Variants in MGMT observed in about 807,000 individuals in gnomAD.
MGMT encodes O-6-methylguanine-DNA methyltransferase.
MGMT carries 14 observed loss-of-function variants against 15.9 expected under a neutral mutation model. The observed-to-expected ratio is 0.88, with a 90% CI of 0.58 to 1.37. MGMT has a LOEUF of 1.37. MGMT is among the 40% of genes most tolerant of loss of function. The pLI, the probability that MGMT is intolerant of heterozygous loss-of-function variation, is 0.00. For missense variants in MGMT, 282 were observed against 268.1 expected, an observed-to-expected ratio of 1.05 and a Z score of -0.36; for synonymous variants, 130 against 118.2, an observed-to-expected ratio of 1.10 and a Z score of -0.65.
At chr10:129,570,978 G>A (rs1469236281) in intron 2 of MGMT, among the ~76,000 whole-genome samples, 1 of 152,186 alleles carries the variant, frequency 6.6e-6, no homozygotes, top group East Asian at 1.9e-4. Flanking sequence ...ATATGTGGCT[G>A]AGCATAATTA....
chr10:129,627,587 A>G (rs1847165205), intron 2 of MGMT, among the ~76,000 whole-genome samples: 1 of 152,102 alleles, frequency 6.6e-6, no homozygotes, highest in African/African-American at 2.4e-5. Context: ...AGACCTGTGC[A>G]CTGAGGGTCC....
At chr10:129,471,773 G>A (rs1845234069) in intron 1 of MGMT, among the ~76,000 whole-genome samples, 1 of 152,082 alleles carries the variant, frequency 6.6e-6, no homozygotes, top group African/African-American at 2.4e-5. Context: ...TCTAGGGAAG[G>A]CCTTAGGATC....
At chr10:129,549,805 A>C (rs1371735960) in intron 2 of MGMT, among the ~76,000 whole-genome samples, 2 of 152,236 alleles carry the variant, frequency 1.3e-5, no homozygotes, top group African/African-American at 4.8e-5. Context: ...TGCTGCACTC[A>C]GCCCAAAGCG....
At chr10:129,519,093 ATAAAT>A (rs1466335463) in intron 1 of MGMT, among the ~76,000 whole-genome samples, 1 of 152,196 alleles carries the variant, frequency 6.6e-6, no homozygotes, top group Non-Finnish European at 1.5e-5. Flanking sequence ...CTGGACTACT[ATAAAT>A]TATGTTTTAT....
intron 3 of MGMT, among the ~76,000 whole-genome samples, chr10:129,723,791 A>C (rs2183878): frequency 6.6e-6 from 1 of 152,070 alleles, no homozygotes; most frequent in Non-Finnish European, 1.5e-5. Context: ...AGTGCTCGGC[A>C]TCATCAGTCA....
chr10:129,612,872 G>A (rs946017745), intron 2 of MGMT, among the ~76,000 whole-genome samples: 15 of 152,264 alleles, frequency 9.9e-5, no homozygotes, highest in Non-Finnish European at 1.8e-4. Flanking sequence ...CGCCCAATGT[G>A]GACTCTGCCC....
chr10:129,618,769 T>TATAAATATA (rs751344882), intron 2 of MGMT, among the ~76,000 whole-genome samples: 5 of 150,298 alleles, frequency 3.3e-5, no homozygotes, highest in South Asian at 2.1e-4. Context: ...ATGCTATATT[T>TATAAATATA]TTAGTTTCAA....
chr10:129,641,846 T>C (rs1847331144), intron 2 of MGMT, among the ~76,000 whole-genome samples: 3 of 152,232 alleles, frequency 2.0e-5, no homozygotes, highest in Non-Finnish European at 4.4e-5. Flanking sequence ...AGAAACATCC[T>C]AGAATTTTAA....
At chr10:129,637,590 C>T (rs1463529747) in intron 2 of MGMT, among the ~76,000 whole-genome samples, 9 of 152,148 alleles carry the variant, frequency 5.9e-5, no homozygotes, top group Non-Finnish European at 8.8e-5. Flanking sequence ...CTTGTGTTCC[C>T]CAAATTCACA....
At chr10:129,612,852 C>G (rs1846977690) in intron 2 of MGMT, among the ~76,000 whole-genome samples, 1 of 152,212 alleles carries the variant, frequency 6.6e-6, no homozygotes, top group South Asian at 2.1e-4. Flanking sequence ...TCTGCCTCTT[C>G]CGTCCCCCTC....
chr10:129,490,237 A>G (rs1205669252), intron 1 of MGMT, among the ~76,000 whole-genome samples: 4 of 152,170 alleles, frequency 2.6e-5, no homozygotes, highest in Non-Finnish European at 4.4e-5. Context: ...AAAAATTATG[A>G]ACAGGCTTCA....
chr10:129,695,505 G>T (rs1432502034), intron 2 of MGMT, among the ~76,000 whole-genome samples: 1 of 152,170 alleles, frequency 6.6e-6, no homozygotes, highest in Non-Finnish European at 1.5e-5. Flanking sequence ...GGAAAGAAAA[G>T]TATTGTCTTC....
chr10:129,547,539 TTGGCAGAATA>T (rs1846110673), intron 2 of MGMT, among the ~76,000 whole-genome samples: 8 of 152,152 alleles, frequency 5.3e-5, no homozygotes, highest in African/African-American at 1.9e-4. Flanking sequence ...CTGGTGTCCA[TTGGCAGAATA>T]CAAGCTCATA....
intron 3 of MGMT, among the ~76,000 whole-genome samples, chr10:129,726,050 C>T (rs1367837650): frequency 2.6e-5 from 4 of 152,092 alleles, no homozygotes; most frequent in Admixed American, 6.5e-5. Flanking sequence ...CTGGCCATGG[C>T]TCAGGTCCAC....
chr10:129,557,871 C>T (rs1846231610), intron 2 of MGMT, among the ~76,000 whole-genome samples: 1 of 152,098 alleles, frequency 6.6e-6, no homozygotes, highest in South Asian at 2.1e-4. Context: ...AGCATATAAT[C>T]CAAAATATTG....
rs78437666 is a variant in MGMT at position 129,710,251 on chromosome 10, G to A, written c.274+2208G>A. Among the ~76,000 whole-genome samples, 146 of 152,324 alleles carry A rather than the reference G, an allele frequency of 9.6e-4. 1 individual carries two copies. The East Asian group carries it at 0.021, about 22-fold the overall frequency. On this transcript the variant is annotated intron_variant, in intron 3 of 4. Coordinates refer to ENST00000651593, the MANE Select transcript of MGMT (RefSeq NM_002412.5). ...GCTCCCCCGTGGCCCTGCCCCTCTTGGAAAGCCCTACAGTGCGGGTGGATA... is the reference window on the plus strand; with the variant it reads ...GCTCCCCCGTGGCCCTGCCCCTCTTAGAAAGCCCTACAGTGCGGGTGGATA...
At chr10:129,735,293 G>C (rs1391047695) in intron 3 of MGMT, among the ~76,000 whole-genome samples, 1 of 152,156 alleles carries the variant, frequency 6.6e-6, no homozygotes, top group African/African-American at 2.4e-5. Flanking sequence ...TCTTGGGAGA[G>C]TGTATGTGTC....
chr10:129,479,460 A>T (rs567261071), intron 1 of MGMT, among the ~76,000 whole-genome samples: 21 of 152,128 alleles, frequency 1.4e-4, no homozygotes, highest in Non-Finnish European at 2.8e-4. Flanking sequence ...GTAGTCATAT[A>T]CTGACTTGCT....
chr10:129,588,929 CTCAGGGG>C (rs1846649910), intron 2 of MGMT, among the ~76,000 whole-genome samples: 1 of 152,264 alleles, frequency 6.6e-6, no homozygotes, highest in South Asian at 2.1e-4. Flanking sequence ...GCAGATTCCC[CTCAGGGG>C]GAGGGAAGCT....
Sources: gnomAD v4.1 joint callset for allele counts (sites outside exome capture counted in the v4.1 genomes callset) on GRCh38, gnomAD v4.1.1 for gene constraint, MANE v1.5 for transcripts, NCBI Gene and HGNC (gene_info 2026-07-23, HGNC 2026-07-21) for gene names.